Variants in TRPM2 observed in about 807,000 individuals in gnomAD.
The protein encoded by TRPM2 is transient receptor potential cation channel subfamily M member 2.
Under a neutral mutation model 174.0 loss-of-function variants are expected in TRPM2, and 161 were observed. That is an observed-to-expected ratio of 0.93 (90% CI 0.81 to 1.05). TRPM2 has a LOEUF of 1.05. Ranked by LOEUF, TRPM2 falls within the 50% of genes least tolerant of loss-of-function variation. TRPM2 has a pLI of 0.00. For missense variants in TRPM2, 2,057 were observed against 2,038.0 expected, an observed-to-expected ratio of 1.01 and a Z score of -0.18; for synonymous variants, 954 against 861.3, an observed-to-expected ratio of 1.11 and a Z score of -1.88.
In TRPM2 at chr21:44,439,804, C is replaced by T. The variant is rs2051423242; in HGVS notation, c.4269+636C>T. ...TGGTGCGATCTTGGCTTGCTGCAGC[C>T]TCCACCTCCCGGGCTCAAGCAATGC... On this transcript the variant is annotated intron_variant, in intron 30 of 31. Coordinates refer to ENST00000397928, the MANE Select transcript of TRPM2 (RefSeq NM_003307.4). This position sits in a 1 kb window ranked among gnomAD's most constrained non-coding sequence, Gnocchi z 5.1. Among the ~76,000 whole-genome samples, 1 of 152,142 alleles carries T rather than the reference C, an allele frequency of 6.6e-6. No individual in the cohort carries two copies. The highest frequency in any genetic ancestry group is 1.5e-5 in the Non-Finnish European group (1 of 68,012).
At chr21:44,383,263 C>T (rs2048933929) in intron 9 of TRPM2, among the ~76,000 whole-genome samples, 1 of 152,170 alleles carries the variant, frequency 6.6e-6, no homozygotes, top group Non-Finnish European at 1.5e-5. Flanking sequence ...GTTGCTTAGC[C>T]TGGCCCATTC....
intron 27 of TRPM2, among the ~76,000 whole-genome samples, chr21:44,429,557 G>A (rs2050955050): frequency 6.6e-6 from 1 of 151,736 alleles, no homozygotes; most frequent in Non-Finnish European, 1.5e-5. Flanking sequence ...AGAGTGCTGG[G>A]ATTACAGACA....
At chr21:44,409,031 C>G (rs1363549776) in intron 19 of TRPM2, among the ~76,000 whole-genome samples, 1 of 152,008 alleles carries the variant, frequency 6.6e-6, no homozygotes, top group African/African-American at 2.4e-5. Flanking sequence ...CGTAAGAGTT[C>G]TTTACGTAAG....
rs561804396 is a variant in TRPM2 at position 44,439,344 on chromosome 21, C to T, written c.4269+176C>T. On this transcript the variant is annotated intron_variant, in intron 30 of 31. Transcript: ENST00000397928. The surrounding 1 kb of genome is among the most constrained non-coding windows in gnomAD (Gnocchi z 5.1). ...CACGTTGCACAGCTCCCAGAGGACCCGGAAGCATAGCTGTGTGCAGGGCCC... is the reference window on the plus strand; with the variant it reads ...CACGTTGCACAGCTCCCAGAGGACCTGGAAGCATAGCTGTGTGCAGGGCCC... Among the ~76,000 whole-genome samples the T allele has an allele frequency of 2.0e-5, 3 of 152,106 alleles. No individual in the cohort carries two copies. Among genetic ancestry groups the T allele is most frequent in the South Asian group, 2.1e-4 (1 of 4,816 alleles).
intron 23 of TRPM2, among the ~76,000 whole-genome samples, chr21:44,424,353 T>C (rs1432443133): frequency 1.3e-5 from 2 of 152,198 alleles, no homozygotes; most frequent in Non-Finnish European, 2.9e-5. Flanking sequence ...TACCCCTGTC[T>C]TGGCCATGCT....
Position 44,354,311 on chromosome 21 carries a change from A to G in TRPM2, c.166-337A>G, listed in dbSNP as rs1233282788. ...CAGGAGGGTGGCTGCCCTTTTTCCG[A>G]TGGTGCAAGATCCAGGTCCCCAGAT... is the stretch of plus-strand genomic sequence containing the variant. On this transcript the variant is annotated intron_variant, in intron 1 of 31. Coordinates refer to ENST00000397928, the MANE Select transcript of TRPM2 (RefSeq NM_003307.4). This position sits in a 1 kb window ranked among gnomAD's most constrained non-coding sequence, Gnocchi z 4.3. Among the ~76,000 whole-genome samples the G allele has an allele frequency of 6.6e-6, 1 of 152,038 alleles. No homozygotes were observed. The highest frequency in any genetic ancestry group is 6.6e-5 in the Admixed American group (1 of 15,266).
rs140683090 is a variant in TRPM2 at position 44,390,920 on chromosome 21, C to G, written c.1335C>G (p.Asp445Glu). The stretch of plus-strand genomic sequence containing the variant: ...CATCTGCAGCCTCACGGAGCCAAGA[C>G]CACTTTGGCCACGAGAACTGGGACC... ...QALLKASRSQ[D>E]HFGHENWDHQ... Residue 445 changes from aspartate to glutamate, a missense_variant, in exon 10 of 32, where the codon GAC becomes GAG. By Grantham distance (45) the Asp-to-Glu change is conservative. Coordinates refer to ENST00000397928, the MANE Select transcript of TRPM2 (RefSeq NM_003307.4). The G allele has an allele frequency of 3.7e-6, 6 of 1,613,954 alleles. No homozygotes were observed. Among genetic ancestry groups the G allele is most frequent in the African/African-American group, 2.7e-5 (2 of 74,892 alleles).
intron 28 of TRPM2, 120 bp from the exon 29 acceptor site, chr21:44,436,942 G>A (rs546561631): frequency 2.0e-5 from 15 of 767,962 alleles, no homozygotes; most frequent in East Asian, 5.5e-5. Flanking sequence ...AAAAGAACAC[G>A]GTTTGAGCCT....
In TRPM2 at chr21:44,375,966, G is replaced by A; in HGVS notation, c.905G>A (p.Arg302Lys). ...HGQYGVEIPLRTRLEKFISEQ... is the reference protein window; with the variant it reads ...HGQYGVEIPLKTRLEKFISEQ... The stretch of plus-strand genomic sequence containing the variant: ...CAGTACGGGGTGGAGATTCCTCTGA[G>A]GACCAGGCTGGAGAAGTTCATATCG... Residue 302 changes from arginine to lysine, a missense_variant, in exon 6 of 32, where the codon AGG becomes AAG. By Grantham distance (26) the Arg-to-Lys change is conservative. Transcript: ENST00000397928. 1.3e-5 allele frequency: 21 copies of A among 1,614,048 alleles called. No homozygotes were observed. Among genetic ancestry groups the A allele is most frequent in the Non-Finnish European group, 1.7e-5 (20 of 1,179,990 alleles).
In TRPM2 at chr21:44,382,569, G is replaced by A. The variant is rs902930921; in HGVS notation, c.1216-149G>A. 6 of 666,716 alleles carry A rather than the reference G, an allele frequency of 9.0e-6. No individual in the cohort carries two copies. The African/African-American group carries it at 1.1e-4, about 12-fold the overall frequency. The allele number at this position is 666,716 out of a possible 1,614,324, so 41.3% of individuals were successfully genotyped here. On this transcript the variant is annotated intron_variant, in intron 8 of 31. Transcript: ENST00000397928. ...CATGGATCTTCATCTGCACCATCTA[G>A]GGCAAGAGGAGATGTGGTGGTGTCC... is the stretch of plus-strand genomic sequence containing the variant.
intron 27 of TRPM2, among the ~76,000 whole-genome samples, chr21:44,430,459 G>A (rs1449409516): frequency 1.7e-4 from 1 of 5,806 alleles, no homozygotes; most frequent in Non-Finnish European, 3.1e-4. Flanking sequence ...GTCTCGCTCT[G>A]TCGCCCAGGC....
intron 28 of TRPM2, among the ~76,000 whole-genome samples, chr21:44,435,616 G>C (rs1220798266): frequency 6.8e-6 from 1 of 148,074 alleles, no homozygotes; most frequent in African/African-American, 2.5e-5. Context: ...CCCATCCACG[G>C]GGACACAGTC....
At chr21:44,375,808 G>A (rs768375839) in intron 5 of TRPM2, 25 bp from the exon 6 acceptor site, 5 of 1,598,178 alleles carry the variant, frequency 3.1e-6, no homozygotes, top group South Asian at 2.2e-5. Context: ...CAGAAGCAGT[G>A]TCTGACGCTT....
In TRPM2 at chr21:44,441,990, G is replaced by C. The variant is rs45547834; in HGVS notation, c.*173G>C. ...GCAAGTCTGCTGCAGATGACCTCATGAACTGGAAGGGGTCAAGGTGACCCG... is the reference window on the plus strand; with the variant it reads ...GCAAGTCTGCTGCAGATGACCTCATCAACTGGAAGGGGTCAAGGTGACCCG... On this transcript the variant is annotated 3_prime_UTR_variant, in exon 32 of 32. Transcript: ENST00000397928. 19,970 of 985,280 alleles carry C rather than the reference G, an allele frequency of 0.02. 1,638 individuals are homozygous for C. The African/African-American group carries it at 0.21, about 10-fold the overall frequency. 61.0% of individuals were successfully genotyped at this position (985,280 alleles called of 1,614,324 possible). A position where few individuals can be genotyped will look rare whatever the true frequency, so the allele number is the denominator to read the frequency against.
intron 2 of TRPM2, among the ~76,000 whole-genome samples, chr21:44,359,945 A>G (rs1173075055): frequency 6.6e-6 from 1 of 151,590 alleles, no homozygotes; most frequent in African/African-American, 2.4e-5. Context: ...ACAGGGTTTC[A>G]CCATATTAGC....
intron 2 of TRPM2, among the ~76,000 whole-genome samples, chr21:44,361,436 T>C (rs1228820335): frequency 1.3e-5 from 2 of 152,222 alleles, no homozygotes; most frequent in Admixed American, 6.5e-5. Context: ...ATTTAACTGC[T>C]GAATATTCCT....
chr21:44,383,448 G>A (rs1480212903), intron 9 of TRPM2, among the ~76,000 whole-genome samples: 1 of 152,216 alleles, frequency 6.6e-6, no homozygotes, highest in Admixed American at 6.5e-5. Context: ...TGATTCTGAA[G>A]GGCTCAGCAG....
chr21:44,358,284 T>C (rs560180997), intron 2 of TRPM2, among the ~76,000 whole-genome samples: 6 of 149,498 alleles, frequency 4.0e-5, no homozygotes, highest in Admixed American at 2.7e-4. Flanking sequence ...ATGACTTCTC[T>C]TCCCTGGGCC....
intron 18 of TRPM2, 64 bp downstream of exon 18, chr21:44,406,101 AG>A: frequency 6.3e-7 from 1 of 1,582,426 alleles, no homozygotes; most frequent in South Asian, 1.1e-5. Context: ...CGGGGAGGGC[AG>A]GCCCCTTGCC....
Sources: allele counts gnomAD v4.1 joint callset (sites outside exome capture counted in the v4.1 genomes callset), GRCh38; gene constraint gnomAD v4.1.1; non-coding constraint Gnocchi (gnomAD v3.1); transcripts MANE v1.5; gene names NCBI Gene and HGNC (gene_info 2026-07-23, HGNC 2026-07-21).